The following PDCL variants were observed in gnomAD, a reference collection of about 807,000 sequenced individuals.
The protein encoded by PDCL is phosducin-like protein.
A neutral mutation model predicts 26.7 loss-of-function variants in PDCL; 11 were observed. That is an observed-to-expected ratio of 0.41 (90% confidence interval 0.26 to 0.68). The LOEUF (loss-of-function observed/expected upper bound fraction) is 0.68, where lower values mean the gene tolerates loss of function less well. Ranked by LOEUF, PDCL falls within the 30% of genes least tolerant of loss-of-function variation. The pLI, the probability that PDCL is intolerant of heterozygous loss-of-function variation, is 0.30. For synonymous variants in PDCL, 118 were observed against 134.9 expected (o/e 0.87, Z 0.87); for missense variants, 330 against 371.6 (o/e 0.89, Z 0.92).
chr9:122,820,824 A>T, intron 3 of PDCL, 188 bp from the exon 4 acceptor site: 6 of 122,260 alleles, frequency 4.9e-5, no homozygotes, highest in East Asian at 7.6e-4. Flanking sequence ...TCTCTCCTTA[A>T]AAAAAAAAAA....
chr9:122,820,459 GTTCT>G lies in PDCL; in HGVS notation c.528_531del (p.Lys176AsnfsTer22), dbSNP rs1829539092. 2 of 1,614,082 alleles carry G rather than the reference GTTCT, an allele frequency of 1.2e-6. No homozygotes were observed. Among genetic ancestry groups the G allele is most frequent in the Admixed American group, 1.7e-5 (1 of 60,004 alleles). ...TGAACCATGATGACAATGCTTTTCT[GTTCT>G]TTATCAATCATGTCTAAAAACCCTT... On this transcript the variant is annotated frameshift_variant, in exon 4 of 4. Coordinates refer to ENST00000259467, the MANE Select transcript of PDCL (RefSeq NM_005388.5). LOFTEE classifies it high-confidence loss of function.
chr9:122,826,863 G>A, intron 1 of PDCL, 71 bp from the exon 2 acceptor site: 1 of 1,374,664 alleles, frequency 7.3e-7, no homozygotes, highest in Non-Finnish European at 1.0e-6. Flanking sequence ...AGCATAGGGG[G>A]CTCGCCTGTG....
intron 3 of PDCL, among the ~76,000 whole-genome samples, chr9:122,822,385 C>T (rs1345764133): frequency 1.4e-5 from 2 of 143,066 alleles, no homozygotes; most frequent in Non-Finnish European, 3.0e-5. Context: ...GACCCTGTCT[C>T]TATTAAAAAA....
At chr9:122,821,819 C>T (rs1386306212) in intron 3 of PDCL, among the ~76,000 whole-genome samples, 1 of 152,124 alleles carries the variant, frequency 6.6e-6, no homozygotes, top group Admixed American at 6.6e-5. Context: ...AAGCATCTTA[C>T]CCCTGCCCCG....
intron 3 of PDCL, 67 bp from the exon 4 acceptor site, chr9:122,820,703 G>A: frequency 7.3e-7 from 1 of 1,375,712 alleles, no homozygotes; most frequent in Non-Finnish European, 9.8e-7. Flanking sequence ...GTTAATATGG[G>A]CCGGGCGCGG....
intron 3 of PDCL, 156 bp from the exon 4 acceptor site, chr9:122,820,792 T>A: frequency 1.8e-6 from 1 of 562,976 alleles, no homozygotes; most frequent in Non-Finnish European, 3.1e-6. Flanking sequence ...AAGACCAGCC[T>A]GGCCAACATG....
chr9:122,820,758 C>T (rs150982787), intron 3 of PDCL, 122 bp from the exon 4 acceptor site: 17 of 716,682 alleles, frequency 2.4e-5, no homozygotes, highest in Middle Eastern at 4.1e-4. Flanking sequence ...CTGAGACGAG[C>T]GGATCACTTG....
At chr9:122,827,661 G>A (rs1829646419) in intron 1 of PDCL, among the ~76,000 whole-genome samples, 1 of 152,122 alleles carries the variant, frequency 6.6e-6, no homozygotes, top group African/African-American at 2.4e-5. Context: ...GAATCCGGGA[G>A]GCGGAGGTTG....
In PDCL at chr9:122,823,083, C is replaced by T; in HGVS notation, c.287G>A (p.Arg96Lys). 3 of 1,614,166 alleles carry T rather than the reference C, an allele frequency of 1.9e-6. No homozygotes were observed. Among genetic ancestry groups the T allele is most frequent in the Non-Finnish European group, 2.5e-6 (3 of 1,180,030 alleles). ...RLIKKLSMTC[R>K]SHLDEEEEQQ... ...CTCCTCCTCTTCATCCAGATGGGAC[C>T]TGCAAGTCATTGACAGCTTCTTGAT... Residue 96 changes from arginine (R) to lysine (K), a missense_variant, in exon 3 of 4, where the codon AGG becomes AAG. Arg to Lys is a conservative substitution (Grantham distance 26). Transcript: ENST00000259467.
At chr9:122,823,960 G>C (rs1310385405) in intron 2 of PDCL, among the ~76,000 whole-genome samples, 1 of 152,050 alleles carries the variant, frequency 6.6e-6, no homozygotes, top group Non-Finnish European at 1.5e-5. Context: ...AGTAGAGACA[G>C]GGTTTCACCA....
In PDCL at chr9:122,824,070, C is replaced by T. The variant is rs538136672; in HGVS notation, c.173-873G>A. ...GATGGGCATGAGCCACCGCACCTGG[C>T]CTCTGAATTTTTTATAACAATTTTT... On this transcript the variant is annotated intron_variant, in intron 2 of 3. Coordinates refer to ENST00000259467, the MANE Select transcript of PDCL (RefSeq NM_005388.5). Among the ~76,000 whole-genome samples the T allele has an allele frequency of 7.2e-5, 11 of 152,318 alleles. No homozygotes were observed. The South Asian group carries it at 2.3e-3, about 32-fold the overall frequency.
intron 2 of PDCL, among the ~76,000 whole-genome samples, chr9:122,824,670 C>T (rs931673963): frequency 6.6e-6 from 1 of 152,176 alleles, no homozygotes; most frequent in Admixed American, 6.5e-5. Context: ...AATGGAAAAG[C>T]AATACCATGT....
In PDCL at chr9:122,823,214, C is replaced by T. The variant is rs114403011; in HGVS notation, c.173-17G>A. The T allele has an allele frequency of 6.1e-4, 988 of 1,612,948 alleles. 6 individuals are homozygous for T. In the African/African-American group the frequency reaches 0.011, roughly 19 times the overall value. ...CTTTTGGGCCTGAGTAGGGTGAACA[C>T]GGATGTGACCAAGGAGAATGGGCAG... is the stretch of plus-strand genomic sequence containing the variant. On this transcript the variant is annotated splice_polypyrimidine_tract_variant and intron_variant, in intron 2 of 3. Transcript: ENST00000259467.
intron 2 of PDCL, among the ~76,000 whole-genome samples, chr9:122,825,493 C>T (rs1351462008): frequency 6.6e-6 from 1 of 151,846 alleles, no homozygotes; most frequent in Non-Finnish European, 1.5e-5. Context: ...AAAGTGAGGC[C>T]CTTTATAAAG....
intron 3 of PDCL, 130 bp from the exon 4 acceptor site, chr9:122,820,766 T>G: frequency 1.4e-6 from 1 of 694,366 alleles, no homozygotes. Flanking sequence ...AGCGGATCAC[T>G]TGAGGTCAGG....
intron 3 of PDCL, among the ~76,000 whole-genome samples, chr9:122,822,797 A>G (rs1238611765): frequency 6.6e-6 from 1 of 152,220 alleles, no homozygotes; most frequent in Non-Finnish European, 1.5e-5. Flanking sequence ...TTAACCATTG[A>G]AACACCAGAT....
At chr9:122,822,517 T>C (rs1356522403) in intron 3 of PDCL, among the ~76,000 whole-genome samples, 1 of 152,120 alleles carries the variant, frequency 6.6e-6, no homozygotes, top group East Asian at 1.9e-4. Context: ...AGCAACATCA[T>C]GGAAGAAACA....
chr9:122,823,576 A>G (rs577262300), intron 2 of PDCL, among the ~76,000 whole-genome samples: 5 of 152,320 alleles, frequency 3.3e-5, no homozygotes, highest in South Asian at 2.1e-4. Flanking sequence ...TCTATTAAAA[A>G]AGACCTGTAT....
intron 1 of PDCL, among the ~76,000 whole-genome samples, chr9:122,827,108 A>G (rs543471147): frequency 1.3e-5 from 2 of 152,276 alleles, no homozygotes; most frequent in South Asian, 4.1e-4. Flanking sequence ...CTCTAGTCTG[A>G]GTTAAGTGTA....
Sources: allele counts gnomAD v4.1 joint callset (sites outside exome capture counted in the v4.1 genomes callset), GRCh38; gene constraint gnomAD v4.1.1; transcripts MANE v1.5; gene names NCBI Gene and HGNC (gene_info 2026-07-23, HGNC 2026-07-21).